The following FARS2 variants were observed in gnomAD, a reference collection of about 807,000 sequenced individuals.
The protein encoded by FARS2 is phenylalanine--tRNA ligase, mitochondrial.
A neutral mutation model predicts 46.4 loss-of-function variants in FARS2; 40 were observed. That is an observed-to-expected ratio of 0.86 (90% CI 0.67 to 1.12). FARS2 has a LOEUF of 1.12. Ranked by LOEUF, FARS2 falls within the 50% of genes most tolerant of loss-of-function variation. The pLI is 0.00. For missense variants in FARS2, 513 were observed against 567.9 expected (o/e 0.90, Z 0.98); for synonymous variants, 234 against 214.9 (o/e 1.09, Z -0.78).
At chr6:5,418,806 G>GT (rs925568414) in intron 3 of FARS2, among the ~76,000 whole-genome samples, 3 of 152,080 alleles carry the variant, frequency 2.0e-5, no homozygotes, top group African/African-American at 7.2e-5. Context: ...TCACCCCTCT[G>GT]GGGGGTCTGT....
intron 4 of FARS2, among the ~76,000 whole-genome samples, chr6:5,511,602 AAG>A (rs1371901757): frequency 6.6e-6 from 1 of 152,236 alleles, no homozygotes; most frequent in Non-Finnish European, 1.5e-5. Context: ...AGAAAAACAG[AAG>A]AGTCTCATTT....
At chr6:5,423,290 C>T (rs1402039917) in intron 3 of FARS2, among the ~76,000 whole-genome samples, 1 of 152,004 alleles carries the variant, frequency 6.6e-6, no homozygotes, top group Non-Finnish European at 1.5e-5. Context: ...GGAGTGATCA[C>T]TTACCCTGGT....
At chr6:5,762,088 A>G (rs551422295) in intron 6 of FARS2, among the ~76,000 whole-genome samples, 2 of 152,320 alleles carry the variant, frequency 1.3e-5, no homozygotes, top group East Asian at 1.9e-4. Flanking sequence ...TCAGTGATCC[A>G]TCTGTACAGA....
intron 4 of FARS2, among the ~76,000 whole-genome samples, chr6:5,456,013 A>G (rs912978696): frequency 1.3e-5 from 2 of 152,146 alleles, no homozygotes; most frequent in African/African-American, 2.4e-5. Flanking sequence ...GCCCAGGAGT[A>G]CAAGACCAGC....
At chr6:5,592,296 G>A (rs555296612) in intron 5 of FARS2, among the ~76,000 whole-genome samples, 1 of 151,470 alleles carries the variant, frequency 6.6e-6, no homozygotes, top group South Asian at 2.1e-4. Context: ...TGAGGTCAGG[G>A]AATCACTTGA....
intron 1 of FARS2, among the ~76,000 whole-genome samples, chr6:5,294,539 G>GC (rs1376542219): frequency 6.6e-6 from 1 of 152,134 alleles, no homozygotes; most frequent in Non-Finnish European, 1.5e-5. Flanking sequence ...CAGGTTGAGG[G>GC]CCCAGTCCCC....
At chr6:5,607,134 C>A (rs1327667066) in intron 5 of FARS2, among the ~76,000 whole-genome samples, 1 of 152,008 alleles carries the variant, frequency 6.6e-6, no homozygotes, top group Non-Finnish European at 1.5e-5. Flanking sequence ...TATTGTTTTA[C>A]CTGTGATTTT....
At position 5,565,367 on chromosome 6, in the gene FARS2, T is replaced by A. The variant is rs1002675070; in HGVS notation, c.1065+20027T>A. On this transcript the variant is annotated intron_variant, in intron 5 of 6. Coordinates refer to ENST00000274680, the MANE Select transcript of FARS2 (RefSeq NM_006567.5). ...TCAGTTTTTTATGAGCTCTGTACTTTCTTTATTTCAATATTACAATCTTTA... is the reference window on the plus strand; with the variant it reads ...TCAGTTTTTTATGAGCTCTGTACTTACTTTATTTCAATATTACAATCTTTA... Among the ~76,000 whole-genome samples, 151 of 151,002 alleles carry A rather than the reference T, an allele frequency of 1.0e-3. 1 individual carries two copies. Among genetic ancestry groups the A allele is most frequent in the African/African-American group, 3.4e-3 (139 of 40,354 alleles).
At chr6:5,429,639 C>G (rs961193121) in intron 3 of FARS2, among the ~76,000 whole-genome samples, 1 of 152,050 alleles carries the variant, frequency 6.6e-6, no homozygotes, top group African/African-American at 2.4e-5. Flanking sequence ...GACCTCATCT[C>G]TAAAGTAAAA....
At chr6:5,640,064 T>G (rs1776734456) in intron 6 of FARS2, among the ~76,000 whole-genome samples, 1 of 152,196 alleles carries the variant, frequency 6.6e-6, no homozygotes, top group Admixed American at 6.5e-5. Context: ...ATTCCCAAGA[T>G]AATGTTTAAC....
At chr6:5,634,237 T>C (rs1776432314) in intron 6 of FARS2, among the ~76,000 whole-genome samples, 2 of 152,260 alleles carry the variant, frequency 1.3e-5, no homozygotes, top group South Asian at 4.1e-4. Context: ...ATACAATTTA[T>C]AGGACAGATA....
intron 4 of FARS2, among the ~76,000 whole-genome samples, chr6:5,434,086 A>G (rs1763381006): frequency 6.7e-6 from 1 of 149,722 alleles, no homozygotes; most frequent in African/African-American, 2.4e-5. Flanking sequence ...GTTTTGGGGA[A>G]ACTGTACACA....
intron 4 of FARS2, among the ~76,000 whole-genome samples, chr6:5,532,783 T>TAATAAGAAG (rs894517533): frequency 2.2e-5 from 3 of 138,668 alleles, no homozygotes; most frequent in East Asian, 2.0e-4. Flanking sequence ...ATAATAATAA[T>TAATAAGAAG]AAGAAGAAGA....
At chr6:5,445,269 A>G (rs1264205362) in intron 4 of FARS2, among the ~76,000 whole-genome samples, 1 of 152,098 alleles carries the variant, frequency 6.6e-6, no homozygotes, top group Non-Finnish European at 1.5e-5. Context: ...GCTTCATGGG[A>G]TCACTGCAGC....
intron 6 of FARS2, among the ~76,000 whole-genome samples, chr6:5,749,770 C>T (rs2150962729): frequency 6.6e-6 from 1 of 152,324 alleles, no homozygotes; most frequent in East Asian, 1.9e-4. Flanking sequence ...GGCTACCAGC[C>T]CGACTTCCTC....
intron 1 of FARS2, among the ~76,000 whole-genome samples, chr6:5,275,644 G>C (rs935778972): frequency 1.3e-5 from 2 of 151,916 alleles, no homozygotes; most frequent in Non-Finnish European, 2.9e-5. Flanking sequence ...AAGAATATTA[G>C]GTAACATGAA....
chr6:5,468,655 G>T (rs2150315746), intron 4 of FARS2, among the ~76,000 whole-genome samples: 1 of 152,242 alleles, frequency 6.6e-6, no homozygotes. Context: ...TTTTTCCTGT[G>T]TCTGCAGAAT....
rs557675920 is a variant in FARS2, at chr6:5,608,040, C to A, written c.1066-5129C>A. ...GAATTTTATGACTTTTAACAAATAT[C>A]TTTTTATCGTGAACTTCAAATTTAA... On this transcript the variant is annotated intron_variant, in intron 5 of 6. Transcript: ENST00000274680. Among the ~76,000 whole-genome samples the A allele has an allele frequency of 2.1e-4, 31 of 145,714 alleles. No individual in the cohort carries two copies. The South Asian group carries it at 6.1e-3, about 29-fold the overall frequency.
At chr6:5,677,733 T>C (rs189116456) in intron 6 of FARS2, among the ~76,000 whole-genome samples, 1 of 152,072 alleles carries the variant, frequency 6.6e-6, no homozygotes, top group East Asian at 1.9e-4. Flanking sequence ...TATAACAGAG[T>C]GTGTGTTCAT....
Sources: allele counts gnomAD v4.1 joint callset (sites outside exome capture counted in the v4.1 genomes callset), GRCh38; gene constraint gnomAD v4.1.1; transcripts MANE v1.5; gene names NCBI Gene and HGNC (gene_info 2026-07-23, HGNC 2026-07-21).